The following AGBL1 variants were observed in gnomAD, a reference collection of about 807,000 sequenced individuals.
The protein encoded by AGBL1 is AGBL carboxypeptidase 1.
In AGBL1, 130 loss-of-function variants were observed where a neutral mutation model predicts 118.9. The ratio of observed to expected loss-of-function variants is 1.09; its 90% CI spans 0.95 to 1.26. AGBL1 has a LOEUF of 1.26. Ranked by LOEUF, AGBL1 falls within the 50% of genes most tolerant of loss-of-function variation. The pLI is 0.00. For missense variants in AGBL1, 1,584 were observed against 1,298.1 expected (o/e 1.22, Z -3.38); for synonymous variants, 555 against 478.9 (o/e 1.16, Z -2.08).
intron 19 of AGBL1, among the ~76,000 whole-genome samples, chr15:86,538,584 G>A (rs2083455396): frequency 6.6e-6 from 1 of 152,188 alleles, no homozygotes; most frequent in Non-Finnish European, 1.5e-5. Context: ...GCTTTAGTTA[G>A]CCTCAGTTGG....
At chr15:86,187,177 A>C (rs1050529208) in intron 5 of AGBL1, among the ~76,000 whole-genome samples, 1 of 152,250 alleles carries the variant, frequency 6.6e-6, no homozygotes, top group Non-Finnish European at 1.5e-5. Context: ...TGTACATAGT[A>C]TCAGCAATTA....
intron 17 of AGBL1, among the ~76,000 whole-genome samples, chr15:86,366,486 C>T (rs1696272406): frequency 6.6e-6 from 1 of 152,100 alleles, no homozygotes; most frequent in Admixed American, 6.5e-5. Context: ...ACTCAAGTTA[C>T]CAGCAAGTGG....
chr15:86,851,470 GA>G (rs2079406042), intron 22 of AGBL1, among the ~76,000 whole-genome samples: 1 of 152,192 alleles, frequency 6.6e-6, no homozygotes, highest in Non-Finnish European at 1.5e-5. Context: ...TTGAGAACAG[GA>G]GGTCTGTTTG....
intron 22 of AGBL1, among the ~76,000 whole-genome samples, chr15:86,811,978 T>A (rs534913047): frequency 1.3e-5 from 2 of 152,312 alleles, no homozygotes; most frequent in East Asian, 1.9e-4. Flanking sequence ...AATGCCTATC[T>A]CACTCACTTT....
chr15:86,146,510 C>T (rs2077035475), intron 3 of AGBL1, among the ~76,000 whole-genome samples: 1 of 152,132 alleles, frequency 6.6e-6, no homozygotes, highest in Non-Finnish European at 1.5e-5. Context: ...TTCCAGGGTG[C>T]TGTGAGGATT....
intron 1 of AGBL1, among the ~76,000 whole-genome samples, chr15:86,109,584 A>G (rs1897244180): frequency 1.3e-5 from 2 of 152,002 alleles, no homozygotes; most frequent in African/African-American, 4.8e-5. Context: ...ACTGACAATT[A>G]AAGAAAAATT....
chr15:86,646,043 C>G (rs140056364), intron 21 of AGBL1, among the ~76,000 whole-genome samples: 8 of 152,322 alleles, frequency 5.3e-5, no homozygotes, highest in East Asian at 1.9e-4. Context: ...TATCCCTGCT[C>G]TCTTTCCCAG....
At chr15:86,177,564 G>T (rs1822636) in intron 5 of AGBL1, among the ~76,000 whole-genome samples, 2,407 of 152,232 alleles carry the variant, frequency 0.016, 28 homozygotes, top group East Asian at 0.07. Flanking sequence ...CAGTCACAAT[G>T]AATTTATAAG....
At position 86,154,461 on chromosome 15, in the gene AGBL1, G is replaced by A. The variant is rs775648368; in HGVS notation, c.294G>A (p.Leu98=). ...AGATTGGACGGAAGGCCCTAGAATT[G>A]GAAGCACTTGATGTGACATTGATTC... ...DKKIGRKALE[L]EALDVTLILA... The change falls in exon 4 of 23, where the codon TTG becomes TTA. Residue 98 remains leucine, a synonymous_variant. Coordinates refer to ENST00000614907, the MANE Select transcript of AGBL1 (RefSeq NM_001386094.1). 1.2e-6 allele frequency: 2 copies of A among 1,612,802 alleles called. No individual in the cohort carries two copies. Among genetic ancestry groups the A allele is most frequent in the Admixed American group, 1.7e-5 (1 of 59,852 alleles).
intron 22 of AGBL1, among the ~76,000 whole-genome samples, chr15:86,680,570 T>TC (rs918890269): frequency 4.3e-5 from 6 of 138,550 alleles, no homozygotes; most frequent in Admixed American, 7.2e-5. Flanking sequence ...CTTTTCTTTT[T>TC]TTTTTTTTTT....
At chr15:86,141,413 A>T (rs561597684) in intron 1 of AGBL1, among the ~76,000 whole-genome samples, 1 of 152,134 alleles carries the variant, frequency 6.6e-6, no homozygotes, top group Non-Finnish European at 1.5e-5. Flanking sequence ...TCCCTTTGGG[A>T]GGCCGAGGCA....
chr15:86,975,393 G>A (rs942330375), intron 23 of AGBL1, among the ~76,000 whole-genome samples: 8 of 151,924 alleles, frequency 5.3e-5, no homozygotes, highest in Non-Finnish European at 1.2e-4. Context: ...ATCACCAGAA[G>A]AGCACGAGAA....
intron 21 of AGBL1, among the ~76,000 whole-genome samples, chr15:86,608,996 A>G (rs2084622126): frequency 6.6e-6 from 1 of 152,158 alleles, no homozygotes; most frequent in Non-Finnish European, 1.5e-5. Context: ...TATGTGGAAT[A>G]TGACACGGGA....
chr15:86,304,298 C>T (rs960155353), intron 17 of AGBL1, among the ~76,000 whole-genome samples: 4 of 152,142 alleles, frequency 2.6e-5, no homozygotes, highest in Admixed American at 2.0e-4. Flanking sequence ...GTCTCTATAT[C>T]TGCTGTTTCC....
At chr15:86,345,115 TC>T (rs2080516389) in intron 17 of AGBL1, among the ~76,000 whole-genome samples, 1 of 152,186 alleles carries the variant, frequency 6.6e-6, no homozygotes. Flanking sequence ...TGTCAAAAGT[TC>T]TTTACACTGC....
In AGBL1 at chr15:86,241,820, C is replaced by G. The variant is rs530401735; in HGVS notation, c.527-5851C>G. On this transcript the variant is annotated intron_variant, in intron 6 of 22. Coordinates refer to ENST00000614907, the MANE Select transcript of AGBL1 (RefSeq NM_001386094.1). ...ACCAAGGTTACACAGCTAGTAAACA[C>G]TAGAGCCAAAAGTAAAATGAGTAAC... Among the ~76,000 whole-genome samples the G allele has an allele frequency of 6.6e-5, 10 of 152,296 alleles. No individual in the cohort carries two copies. The East Asian group carries it at 1.9e-3, about 29-fold the overall frequency.
intron 21 of AGBL1, among the ~76,000 whole-genome samples, chr15:86,602,211 T>A (rs1157492241): frequency 6.6e-6 from 1 of 152,202 alleles, no homozygotes; most frequent in Non-Finnish European, 1.5e-5. Flanking sequence ...GTCTGAGTTT[T>A]AGATTCTTAA....
chr15:86,607,732 G>C (rs2084597540), intron 21 of AGBL1, among the ~76,000 whole-genome samples: 1 of 152,048 alleles, frequency 6.6e-6, no homozygotes, highest in Non-Finnish European at 1.5e-5. Context: ...TGCCTGTTCA[G>C]GTCATTTGCC....
intron 22 of AGBL1, among the ~76,000 whole-genome samples, chr15:86,691,055 T>G (rs1410627907): frequency 1.3e-5 from 2 of 152,146 alleles, no homozygotes; most frequent in Non-Finnish European, 2.9e-5. Flanking sequence ...GGTTGCATTT[T>G]TTTTTCCTAG....
Sources: allele counts gnomAD v4.1 joint callset (sites outside exome capture counted in the v4.1 genomes callset), GRCh38; gene constraint gnomAD v4.1.1; transcripts MANE v1.5; gene names NCBI Gene and HGNC (gene_info 2026-07-23, HGNC 2026-07-21).